RBL1: variants seen among roughly 807,000 people sequenced by gnomAD.
RBL1 encodes the protein RB transcriptional corepressor like 1.
RBL1 carries 82 observed loss-of-function variants against 123.0 expected under a neutral mutation model. The observed-to-expected ratio is 0.67, with a 90% CI of 0.56 to 0.80. The LOEUF (loss-of-function observed/expected upper bound fraction) is 0.80, where lower values mean the gene tolerates loss of function less well. Among genes scored for constraint, RBL1 ranks in the 30% least tolerant of loss-of-function variants. RBL1 has a pLI of 0.00. For synonymous variants in RBL1, 405 were observed against 441.3 expected (o/e 0.92, Z 1.03); for missense variants, 1,171 against 1,299.6 (o/e 0.90, Z 1.52).
chr20:37,046,002 C>T (rs369323307), intron 12 of RBL1, among the ~76,000 whole-genome samples: 3 of 152,156 alleles, frequency 2.0e-5, no homozygotes, highest in African/African-American at 7.2e-5. Context: ...ACTGTGATGA[C>T]TAAACGTTAT....
At chr20:37,052,742 T>A (rs1255525793) in intron 11 of RBL1, among the ~76,000 whole-genome samples, 2 of 152,218 alleles carry the variant, frequency 1.3e-5, no homozygotes, top group African/African-American at 4.8e-5. Context: ...ACTCCTGACC[T>A]CAGGTGATCC....
chr20:37,011,414 T>A (rs535276402), intron 19 of RBL1, among the ~76,000 whole-genome samples: 7 of 149,970 alleles, frequency 4.7e-5, no homozygotes, highest in Non-Finnish European at 1.0e-4. Flanking sequence ...CTTTGCTCAT[T>A]AACATACTCA....
chr20:37,003,278 A>T (rs1182111554), intron 21 of RBL1, among the ~76,000 whole-genome samples: 1 of 152,184 alleles, frequency 6.6e-6, no homozygotes, highest in African/African-American at 2.4e-5. Flanking sequence ...AAGGATAAGG[A>T]TGGAGATGAT....
At chr20:37,013,438 G>A (rs1327799036) in intron 19 of RBL1, among the ~76,000 whole-genome samples, 3 of 151,470 alleles carry the variant, frequency 2.0e-5, no homozygotes, top group Non-Finnish European at 4.4e-5. Flanking sequence ...AGTACCCCGG[G>A]ACACAAACAC....
intron 12 of RBL1, among the ~76,000 whole-genome samples, chr20:37,046,646 C>G (rs746018314): frequency 2.7e-5 from 4 of 148,134 alleles, no homozygotes; most frequent in Non-Finnish European, 5.9e-5. Context: ...TTGCTCCTGT[C>G]GTCTAGGCTG....
intron 9 of RBL1, among the ~76,000 whole-genome samples, chr20:37,057,710 C>G (rs143831995): frequency 6.6e-6 from 1 of 151,950 alleles, no homozygotes; most frequent in South Asian, 2.1e-4. Flanking sequence ...GGTTTGACAC[C>G]GGGCATGGTG....
intron 19 of RBL1, among the ~76,000 whole-genome samples, chr20:37,008,375 G>C (rs2064107209): frequency 6.6e-6 from 1 of 152,170 alleles, no homozygotes; most frequent in African/African-American, 2.4e-5. Flanking sequence ...TGTTCTAAGA[G>C]CCTTATTGTA....
At chr20:37,052,936 C>CT (rs2064942920) in intron 11 of RBL1, among the ~76,000 whole-genome samples, 3 of 152,204 alleles carry the variant, frequency 2.0e-5, no homozygotes, top group African/African-American at 7.2e-5. Flanking sequence ...GCCACTGCGC[C>CT]TGGCCAGGGA....
chr20:37,053,831 A>G (rs950494010), intron 11 of RBL1, among the ~76,000 whole-genome samples: 17 of 152,198 alleles, frequency 1.1e-4, no homozygotes, highest in African/African-American at 3.4e-4. Context: ...CACCATGATA[A>G]AACATATCCT....
rs112256679 is a variant in RBL1 at position 36,999,010 on chromosome 20, C to T, written c.3037-81G>A. On this transcript the variant is annotated intron_variant, in intron 21 of 21. Transcript: ENST00000373664. ...AAACAACCAAGCTAATTGTTTTTTC[C>T]TGTGCTCTATCCTCTATCCAAATCT... 5 of 1,363,948 alleles carry T rather than the reference C, an allele frequency of 3.7e-6. No homozygotes were observed. The African/African-American group carries it at 5.8e-5, about 16-fold the overall frequency. 84.5% of individuals were successfully genotyped at this position (1,363,948 alleles called of 1,614,324 possible).
intron 1 of RBL1, 110 bp downstream of exon 1, chr20:37,095,663 G>A: frequency 2.0e-6 from 2 of 1,000,078 alleles, no homozygotes; most frequent in Non-Finnish European, 2.7e-6. Context: ...GCTGCGCAGC[G>A]ACCCTCCTAG....
intron 20 of RBL1, among the ~76,000 whole-genome samples, chr20:37,005,894 CTTTT>C (rs1013303071): frequency 1.0e-5 from 1 of 98,136 alleles, no homozygotes; most frequent in Non-Finnish European, 1.9e-5. Flanking sequence ...TTTTTTCTTT[CTTTT>C]TTTTTTTTTT....
At chr20:37,001,928 A>C (rs1359911258) in intron 21 of RBL1, among the ~76,000 whole-genome samples, 4 of 150,808 alleles carry the variant, frequency 2.7e-5, no homozygotes, top group Non-Finnish European at 5.9e-5. Flanking sequence ...TAAAAAAAAA[A>C]AAAAAAAAAA....
rs8114297 is a variant in RBL1, at chr20:36,998,861, G to A, written c.3105C>T (p.Ile1035=). 6 of 1,613,102 alleles carry A rather than the reference G, an allele frequency of 3.7e-6. No individual in the cohort carries two copies. The highest frequency in any genetic ancestry group is 1.7e-5 in the Admixed American group (1 of 60,010). Residue 1035 remains isoleucine, a synonymous_variant, in exon 22 of 22, where the codon ATC becomes ATT. Coordinates refer to ENST00000373664, the MANE Select transcript of RBL1 (RefSeq NM_002895.5). ...EQRTKKRVIA[I]DSDAESPAKR... ...TGGCAGGGGATTCTGCATCACTATC[G>A]ATGGCTATTACTCGCTTCTTGGTTC...
intron 14 of RBL1, among the ~76,000 whole-genome samples, chr20:37,035,963 T>C (rs760134392): frequency 3.3e-5 from 5 of 152,212 alleles, no homozygotes; most frequent in African/African-American, 4.8e-5. Flanking sequence ...GCTCTGGCTT[T>C]CTAATTTAGT....
chr20:37,022,932 T>A, intron 16 of RBL1, 106 bp from the exon 17 acceptor site: 2 of 829,600 alleles, frequency 2.4e-6, no homozygotes, highest in Non-Finnish European at 3.7e-6. Flanking sequence ...GTTGATATAC[T>A]AAATTAAATA....
intron 11 of RBL1, among the ~76,000 whole-genome samples, chr20:37,048,396 C>T (rs1428399626): frequency 6.6e-6 from 1 of 152,122 alleles, no homozygotes; most frequent in Non-Finnish European, 1.5e-5. Context: ...AGGTAGAGAA[C>T]ATTAGGCACA....
intron 9 of RBL1, among the ~76,000 whole-genome samples, chr20:37,057,117 G>A (rs144255529): frequency 6.6e-6 from 1 of 151,832 alleles, no homozygotes; most frequent in African/African-American, 2.4e-5. Context: ...GGACACTTAA[G>A]GTGTTTCCAC....
At position 37,062,078 on chromosome 20, in the gene RBL1, T is replaced by C. The variant is rs1359472795; in HGVS notation, c.1083+6A>G. ...TCAAGATTGAGGCCAGGCTAGGTTA[T>C]ATTACTTTTTCAAAGTGCTGTTGAA... is the stretch of plus-strand genomic sequence containing the variant. On this transcript the variant is annotated splice_donor_region_variant and intron_variant, in intron 8 of 21. Coordinates refer to ENST00000373664, the MANE Select transcript of RBL1 (RefSeq NM_002895.5). The C allele has an allele frequency of 3.7e-6, 6 of 1,610,036 alleles. No individual in the cohort carries two copies. The highest frequency in any genetic ancestry group is 5.1e-6 in the Non-Finnish European group (6 of 1,177,694).
Sources: gnomAD v4.1 joint callset for allele counts (sites outside exome capture counted in the v4.1 genomes callset) on GRCh38, gnomAD v4.1.1 for gene constraint, MANE v1.5 for transcripts, NCBI Gene and HGNC (gene_info 2026-07-23, HGNC 2026-07-21) for gene names.